RNF212B: variants seen among roughly 807,000 people sequenced by gnomAD.
RNF212B encodes ring finger protein 212B, also known as E3 ubiquitin-protein ligase RNF212B.
Under a neutral mutation model 55.5 loss-of-function variants are expected in RNF212B, and 52 were observed. That is an observed-to-expected ratio of 0.94 (90% CI 0.75 to 1.18). The LOEUF (loss-of-function observed/expected upper bound fraction) is 1.18. Ranked by LOEUF, RNF212B falls within the 50% of genes most tolerant of loss-of-function variation. The pLI, the probability that RNF212B is intolerant of heterozygous loss-of-function variation, is 0.00. For synonymous variants in RNF212B, 99 were observed against 121.4 expected, an observed-to-expected ratio of 0.82 and a Z score of 1.21; for missense variants, 289 against 350.4, an observed-to-expected ratio of 0.82 and a Z score of 1.40.
chr14:23,243,345 C>G (rs1883739037), intron 3 of RNF212B, 37 bp downstream of exon 3: 1 of 1,478,864 alleles, frequency 6.8e-7, no homozygotes, highest in Non-Finnish European at 9.2e-7. Flanking sequence ...CTGTCTCATC[C>G]CATTCCTGGC....
chr14:23,229,984 T>C (rs1426268267), intron 2 of RNF212B: 2 of 205,916 alleles, frequency 9.7e-6, no homozygotes, highest in African/African-American at 2.3e-5. Flanking sequence ...TTGAATCTTC[T>C]CCAATGTCTC....
chr14:23,233,522 C>G (rs12586324), upstream of RNF212B, among the ~76,000 whole-genome samples: 1 of 136,114 alleles, frequency 7.3e-6, no homozygotes, highest in African/African-American at 2.8e-5. Context: ...GCCCAGGAGT[C>G]TGAGACCAGC....
upstream of RNF212B, among the ~76,000 whole-genome samples, chr14:23,237,293 CT>C (rs1031400355): frequency 3.3e-5 from 5 of 152,138 alleles, no homozygotes; most frequent in Non-Finnish European, 7.3e-5. Flanking sequence ...CCACACTCGG[CT>C]AATTTTTGTA....
At chr14:23,260,541 G>A (rs2064483) in intron 6 of RNF212B, 118 bp from the exon 7 acceptor site, 345,953 of 878,162 alleles carry the variant, frequency 0.39, 68,912 homozygotes, top group East Asian at 0.41. Flanking sequence ...CCTACTGGGA[G>A]TCTTAGCAAC....
chr14:23,218,898 A>G (rs1457027644), intron 2 of RNF212B, among the ~76,000 whole-genome samples: 1 of 152,172 alleles, frequency 6.6e-6, no homozygotes, highest in African/African-American at 2.4e-5. Flanking sequence ...GCATTTAATA[A>G]TCAAACTCCC....
intron 4 of RNF212B, among the ~76,000 whole-genome samples, chr14:23,246,134 CT>C (rs1157017157): frequency 1.5e-3 from 212 of 142,424 alleles, no homozygotes; most frequent in Non-Finnish European, 1.4e-3. Flanking sequence ...GTTTTCTTTT[CT>C]TTTTTTTTTT....
chr14:23,259,903 A>G lies in RNF212B; in HGVS notation c.364A>G (p.Lys122Glu). ...SQDKELSVLR[K>E]ENGELKKFLA... is the part of the protein sequence containing the mutation. The stretch of plus-strand genomic sequence containing the variant: ...GCCTAGAGAATTGTCAGTCTTAAGG[A>G]AGGAGAATGGAGAACTGAAGAAATT... The change falls in exon 6 of 15, where the codon AAG (lysine) becomes GAG (glutamate). Residue 122 changes from lysine to glutamate, a missense_variant. Lys to Glu is a moderately conservative substitution (Grantham distance 56, BLOSUM62 1). Coordinates refer to ENST00000430154, the MANE Select transcript of RNF212B (RefSeq NM_001282322.3). 6.6e-7 allele frequency: 1 copy of G among 1,521,580 alleles called. No individual in the cohort carries two copies. The allele number at this position is 1,521,580 out of a possible 1,614,324, so 94.3% of individuals were successfully genotyped here. A position where few individuals can be genotyped will look rare whatever the true frequency, so the allele number is the denominator to read the frequency against.
chr14:23,225,882 G>C (rs139878774), intron 2 of RNF212B, among the ~76,000 whole-genome samples: 1 of 152,052 alleles, frequency 6.6e-6, no homozygotes, highest in East Asian at 1.9e-4. Context: ...CGAGGGGATC[G>C]ATACCCTATC....
At chr14:23,193,927 C>A (rs571637413) in intron 2 of RNF212B, among the ~76,000 whole-genome samples, 2 of 152,076 alleles carry the variant, frequency 1.3e-5, no homozygotes, top group Non-Finnish European at 2.9e-5. Flanking sequence ...CTGCAACCTC[C>A]GCCTCCTGGG....
chr14:23,202,849 C>CAAAAA (rs796329912), intron 2 of RNF212B, among the ~76,000 whole-genome samples: 2 of 63,408 alleles, frequency 3.2e-5, no homozygotes, highest in African/African-American at 1.0e-4. Flanking sequence ...GACCCTGTCT[C>CAAAAA]AAAAAAAAAA....
intron 14 of RNF212B, among the ~76,000 whole-genome samples, chr14:23,271,029 T>C (rs4375573): frequency 0.27 from 40,374 of 152,104 alleles, 5,688 homozygotes; most frequent in Middle Eastern, 0.34. Flanking sequence ...AAACCACATT[T>C]ACTTCTCCAG....
intron 7 of RNF212B, 147 bp downstream of exon 7, chr14:23,260,834 C>A (rs1885242089): frequency 2.7e-6 from 2 of 736,052 alleles, no homozygotes; most frequent in Non-Finnish European, 4.6e-6. Flanking sequence ...ACTGAAAGTG[C>A]CGAAGTAAAA....
At chr14:23,205,852 G>A (rs1363719144) in intron 2 of RNF212B, among the ~76,000 whole-genome samples, 1 of 152,128 alleles carries the variant, frequency 6.6e-6, no homozygotes, top group Non-Finnish European at 1.5e-5. Flanking sequence ...CACAAGCATA[G>A]ATCATTCTGT....
At chr14:23,210,356 G>A (rs1349603318) in intron 2 of RNF212B, among the ~76,000 whole-genome samples, 1 of 152,202 alleles carries the variant, frequency 6.6e-6, no homozygotes. Context: ...ACGCAGTGCG[G>A]TATATAGGCT....
At position 23,272,900 on chromosome 14, in the gene RNF212B, C is replaced by G; in HGVS notation, c.*9C>G. 1 of 1,487,968 alleles carries G rather than the reference C, an allele frequency of 6.7e-7. No homozygotes were observed. The highest frequency in any genetic ancestry group is 9.1e-7 in the Non-Finnish European group (1 of 1,095,870). The allele number at this position is 1,487,968 out of a possible 1,614,324, so 92.2% of individuals were successfully genotyped here. A position where few individuals can be genotyped will look rare whatever the true frequency, so the allele number is the denominator to read the frequency against. On this transcript the variant is annotated 3_prime_UTR_variant, in exon 15 of 15. Coordinates refer to ENST00000430154, the MANE Select transcript of RNF212B (RefSeq NM_001282322.3). Reference sequence around the variant, plus strand: ...GGACCACTTCTAGATAGATCATCTTCAAGATCTGATCTATACATGCTGCTG... The same window carrying G: ...GGACCACTTCTAGATAGATCATCTTGAAGATCTGATCTATACATGCTGCTG...
chr14:23,232,901 G>A (rs1383962221), intron 2 of RNF212B, among the ~76,000 whole-genome samples: 1 of 151,696 alleles, frequency 6.6e-6, no homozygotes, highest in Non-Finnish European at 1.5e-5. Flanking sequence ...ACCCCATCTG[G>A]GAGGTGTACC....
chr14:23,246,936 T>C (rs1884025496), intron 4 of RNF212B, among the ~76,000 whole-genome samples: 2 of 151,960 alleles, frequency 1.3e-5, no homozygotes, highest in Non-Finnish European at 1.5e-5. Flanking sequence ...AGGTCCGGGG[T>C]TCGAGACCAG....
At chr14:23,235,539 C>A (rs1306493221), upstream of RNF212B, among the ~76,000 whole-genome samples, 1 of 152,130 alleles carries the variant, frequency 6.6e-6, no homozygotes, top group Non-Finnish European at 1.5e-5. Flanking sequence ...CAAGGAAAAC[C>A]AGTGACAGTA....
intron 2 of RNF212B, among the ~76,000 whole-genome samples, chr14:23,208,670 A>G (rs569537188): frequency 7.2e-5 from 11 of 152,120 alleles, no homozygotes; most frequent in African/African-American, 2.7e-4. Flanking sequence ...TCTGCAGTGC[A>G]AAGTGAAAGC....
Sources: allele counts gnomAD v4.1 joint callset (sites outside exome capture counted in the v4.1 genomes callset), GRCh38; gene constraint gnomAD v4.1.1; transcripts MANE v1.5; gene names NCBI Gene and HGNC (gene_info 2026-07-23, HGNC 2026-07-21).